Variants in ZNF704 observed in about 807,000 individuals in gnomAD.
ZNF704 encodes the protein glucocorticoid induced gene 1.
A neutral mutation model predicts 44.7 loss-of-function variants in ZNF704; 10 were observed. The observed-to-expected ratio is 0.22, with a 90% CI of 0.14 to 0.38. ZNF704 has a LOEUF of 0.38. ZNF704 is among the 10% of genes least tolerant of loss of function. The pLI, the probability that ZNF704 is intolerant of heterozygous loss-of-function variation, is 1.00. For missense variants in ZNF704, 390 were observed against 545.5 expected, an observed-to-expected ratio of 0.71 and a Z score of 2.84; for synonymous variants, 211 against 207.6, an observed-to-expected ratio of 1.02 and a Z score of -0.14.
chr8:80,641,094 C>T lies in ZNF704; in HGVS notation c.*272G>A, dbSNP rs559137626. 27 of 246,690 alleles carry T rather than the reference C, an allele frequency of 1.1e-4. No homozygotes were observed. In the Middle Eastern group the frequency reaches 6.1e-3, roughly 55 times the overall value. 15.3% of individuals were successfully genotyped at this position (246,690 alleles called of 1,614,324 possible). ...GTCCACAGTTTTAAGTCTAGACATA[C>T]AGCAAAAAAAGTTGACTTTTCTTTT... On this transcript the variant is annotated 3_prime_UTR_variant, in exon 9 of 9. Transcript: ENST00000327835.
intron 1 of ZNF704, among the ~76,000 whole-genome samples, chr8:80,850,419 A>G (rs1808838967): frequency 6.6e-6 from 1 of 152,148 alleles, no homozygotes; most frequent in African/African-American, 2.4e-5. Context: ...CTTCCATATA[A>G]AAGTGAAATG....
chr8:80,693,161 C>A, intron 2 of ZNF704, 54 bp from the exon 3 acceptor site: 1 of 1,494,462 alleles, frequency 6.7e-7, no homozygotes, highest in Non-Finnish European at 9.3e-7. Context: ...TGCTGTGGGC[C>A]ACACAAGGTG....
At chr8:80,855,424 T>C (rs536825377) in intron 1 of ZNF704, among the ~76,000 whole-genome samples, 15 of 151,416 alleles carry the variant, frequency 9.9e-5, no homozygotes, top group African/African-American at 3.6e-4. Context: ...GTGATACATA[T>C]ACACAGTGGA....
intron 3 of ZNF704, among the ~76,000 whole-genome samples, chr8:80,688,176 C>G (rs1818573545): frequency 6.6e-6 from 1 of 151,806 alleles, no homozygotes; most frequent in African/African-American, 2.4e-5. Flanking sequence ...TCACTGCACT[C>G]TAGCCTGGGT....
At chr8:80,695,653 A>G (rs991061216) in intron 2 of ZNF704, among the ~76,000 whole-genome samples, 1 of 152,234 alleles carries the variant, frequency 6.6e-6, no homozygotes, top group Non-Finnish European at 1.5e-5. Flanking sequence ...GGTCTAATTG[A>G]TAATTAACTC....
At chr8:80,666,121 C>G (rs1375003103) in intron 5 of ZNF704, among the ~76,000 whole-genome samples, 2 of 134,192 alleles carry the variant, frequency 1.5e-5, no homozygotes, top group African/African-American at 5.5e-5. Flanking sequence ...CCCCGCCCCC[C>G]ACCCCACCAC....
chr8:80,780,390 G>C (rs984850432), intron 2 of ZNF704, among the ~76,000 whole-genome samples: 15 of 152,166 alleles, frequency 9.9e-5, no homozygotes, highest in African/African-American at 3.6e-4. Flanking sequence ...GAATCTTCAA[G>C]ACTTGGAAAC....
At chr8:80,848,815 AAGAGAT>A (rs1300733129) in intron 1 of ZNF704, among the ~76,000 whole-genome samples, 1 of 152,182 alleles carries the variant, frequency 6.6e-6, no homozygotes, top group African/African-American at 2.4e-5. Context: ...TTAAAAAAAA[AAGAGAT>A]AGATATGTAT....
intron 1 of ZNF704, among the ~76,000 whole-genome samples, chr8:80,850,239 T>C (rs1011238416): frequency 6.6e-6 from 1 of 152,236 alleles, no homozygotes; most frequent in African/African-American, 2.4e-5. Context: ...TGTCTTTTTT[T>C]GTCCGTTATT....
intron 2 of ZNF704, among the ~76,000 whole-genome samples, chr8:80,814,892 T>C (rs992603976): frequency 6.6e-6 from 1 of 152,158 alleles, no homozygotes; most frequent in Non-Finnish European, 1.5e-5. Context: ...TTGTCTTATC[T>C]CACTTAATTA....
At chr8:80,707,234 A>G (rs1328652610) in intron 2 of ZNF704, among the ~76,000 whole-genome samples, 1 of 152,206 alleles carries the variant, frequency 6.6e-6, no homozygotes, top group African/African-American at 2.4e-5. Context: ...TTTGTTTTTA[A>G]TTTAAGACAA....
intron 1 of ZNF704, among the ~76,000 whole-genome samples, chr8:80,833,796 C>G (rs1290094950): frequency 2.0e-5 from 3 of 152,144 alleles, no homozygotes; most frequent in Non-Finnish European, 4.4e-5. Context: ...CCAGGTTGCA[C>G]TGGTTTAATC....
chr8:80,814,061 C>T (rs902582571), intron 2 of ZNF704: 10 of 152,208 alleles, frequency 6.6e-5, no homozygotes, highest in Admixed American at 5.2e-4. Context: ...CATCTACAGG[C>T]ACTTGGCAGG....
chr8:80,807,330 A>C (rs1225366074), intron 2 of ZNF704, among the ~76,000 whole-genome samples: 10 of 152,094 alleles, frequency 6.6e-5, no homozygotes, highest in African/African-American at 2.4e-4. Context: ...ACTGCTGAGT[A>C]GAGTCTGCCA....
intron 2 of ZNF704, among the ~76,000 whole-genome samples, chr8:80,792,066 T>C (rs1041233646): frequency 3.3e-5 from 5 of 150,696 alleles, no homozygotes; most frequent in Non-Finnish European, 7.4e-5. Flanking sequence ...GATGTGGAGG[T>C]AGGAAAGAAA....
intron 3 of ZNF704, among the ~76,000 whole-genome samples, chr8:80,690,443 T>C (rs1005627034): frequency 3.9e-5 from 6 of 152,232 alleles, no homozygotes; most frequent in African/African-American, 1.4e-4. Context: ...AAATTTTTTA[T>C]TTTTTAGAGT....
intron 4 of ZNF704, among the ~76,000 whole-genome samples, chr8:80,676,792 T>C (rs1818373526): frequency 6.6e-6 from 1 of 152,186 alleles, no homozygotes; most frequent in South Asian, 2.1e-4. Flanking sequence ...CAGGCATTAG[T>C]TAAGATTCTC....
In ZNF704 at chr8:80,633,588, T is replaced by A. The variant is rs1467569839; in HGVS notation, c.*7778A>T. 1 of 152,232 alleles carries A rather than the reference T, an allele frequency of 6.6e-6. No individual in the cohort carries two copies. The allele number at this position is 152,232 out of a possible 1,614,324, so 9.4% of individuals were successfully genotyped here. ...ACTAAGGTTTGAGCCAGGCCTTTAA[T>A]GAGCCCCTTCCCTCTTCCTTGCAAG... On this transcript the variant is annotated 3_prime_UTR_variant, in exon 9 of 9. Transcript: ENST00000327835.
intron 2 of ZNF704, among the ~76,000 whole-genome samples, chr8:80,736,693 G>A (rs1456527555): frequency 6.6e-6 from 1 of 152,116 alleles, no homozygotes; most frequent in Non-Finnish European, 1.5e-5. Flanking sequence ...GGGGACTCAG[G>A]GGAAATAGTG....
Sources: allele counts gnomAD v4.1 joint callset (sites outside exome capture counted in the v4.1 genomes callset), GRCh38; gene constraint gnomAD v4.1.1; transcripts MANE v1.5; gene names NCBI Gene and HGNC (gene_info 2026-07-23, HGNC 2026-07-21).